MAP2K4: variants seen among roughly 807,000 people sequenced by gnomAD.
MAP2K4 encodes the protein dual specificity mitogen-activated protein kinase kinase 4.
MAP2K4 carries 4 observed loss-of-function variants against 48.5 expected under a neutral mutation model. The ratio of observed to expected loss-of-function variants is 0.08; its 90% CI spans 0.04 to 0.19. The LOEUF is 0.19. MAP2K4 is among the 10% of genes least tolerant of loss of function. MAP2K4 has a pLI of 1.00. For synonymous variants in MAP2K4, 166 were observed against 173.1 expected, an observed-to-expected ratio of 0.96 and a Z score of 0.32; for missense variants, 258 against 493.3, an observed-to-expected ratio of 0.52 and a Z score of 4.52.
At chr17:12,123,107 A>G (rs1364524812) in intron 7 of MAP2K4, among the ~76,000 whole-genome samples, 1 of 152,120 alleles carries the variant, frequency 6.6e-6, no homozygotes. Flanking sequence ...GTTTTCAAAA[A>G]TCGTTATGCT....
At chr17:12,102,465 A>G (rs551237529) in intron 4 of MAP2K4, among the ~76,000 whole-genome samples, 75 of 152,282 alleles carry the variant, frequency 4.9e-4, no homozygotes, top group African/African-American at 1.7e-3. Flanking sequence ...TTTTGTATCT[A>G]TGAGAGACAT....
At chr17:12,048,895 G>T (rs913762728) in intron 1 of MAP2K4, among the ~76,000 whole-genome samples, 1 of 152,034 alleles carries the variant, frequency 6.6e-6, no homozygotes, top group Non-Finnish European at 1.5e-5. Context: ...GACCTCAGGT[G>T]GTCCGTCCGC....
At chr17:12,069,268 G>C (rs1970711824) in intron 2 of MAP2K4, among the ~76,000 whole-genome samples, 1 of 152,134 alleles carries the variant, frequency 6.6e-6, no homozygotes, top group Non-Finnish European at 1.5e-5. Flanking sequence ...GCCTAAACAG[G>C]GAAAGGATCT....
chr17:12,127,000 G>T (rs1972875599), intron 8 of MAP2K4, among the ~76,000 whole-genome samples: 1 of 152,134 alleles, frequency 6.6e-6, no homozygotes, highest in Non-Finnish European at 1.5e-5. Flanking sequence ...TCAGAGCAAT[G>T]GGCTTTTTTT....
At chr17:12,037,865 C>T (rs1202348817) in intron 1 of MAP2K4, among the ~76,000 whole-genome samples, 1 of 151,958 alleles carries the variant, frequency 6.6e-6, no homozygotes, top group African/African-American at 2.4e-5. Flanking sequence ...ATGCTTATAC[C>T]TTATACCATT....
intron 2 of MAP2K4, among the ~76,000 whole-genome samples, chr17:12,067,471 A>T (rs1169976862): frequency 3.9e-5 from 6 of 152,180 alleles, no homozygotes; most frequent in African/African-American, 7.2e-5. Context: ...GTCTCCAGAC[A>T]TTACCAAATG....
chr17:12,058,570 T>A (rs533750751), intron 2 of MAP2K4, among the ~76,000 whole-genome samples: 5 of 152,346 alleles, frequency 3.3e-5, no homozygotes, highest in African/African-American at 1.2e-4. Flanking sequence ...ATTGCATACC[T>A]ACCCAAAAGT....
intron 7 of MAP2K4, among the ~76,000 whole-genome samples, chr17:12,113,725 TG>T (rs1223883896): frequency 1.3e-5 from 2 of 152,218 alleles, no homozygotes; most frequent in African/African-American, 4.8e-5. Context: ...GAATTCACTA[TG>T]TATTACAGAG....
At chr17:12,085,903 A>G (rs1197842409) in intron 3 of MAP2K4, among the ~76,000 whole-genome samples, 3 of 152,106 alleles carry the variant, frequency 2.0e-5, no homozygotes, top group African/African-American at 4.8e-5. Context: ...TTTTCCTGCC[A>G]CTGGAGAGAC....
intron 8 of MAP2K4, among the ~76,000 whole-genome samples, chr17:12,127,350 G>A (rs1036840241): frequency 5.9e-5 from 9 of 152,180 alleles, no homozygotes; most frequent in African/African-American, 2.2e-4. Flanking sequence ...GCAAGACCTA[G>A]AGCTTCCAGC....
At position 12,103,768 on chromosome 17, in the gene MAP2K4, T is replaced by C. The variant is rs28923204; in HGVS notation, c.514-4022T>C. ...GTAAATGGAATCCTATATGCGTTCT[T>C]TATTGTACATTTTATTCAACATAGT... On this transcript the variant is annotated intron_variant, in intron 4 of 10. Coordinates refer to ENST00000353533, the MANE Select transcript of MAP2K4 (RefSeq NM_003010.4). Among the ~76,000 whole-genome samples, 493 of 152,294 alleles carry C rather than the reference T, an allele frequency of 3.2e-3. 3 individuals carry two copies. Among genetic ancestry groups the C allele is most frequent in the African/African-American group, 7.7e-3 (320 of 41,580 alleles).
intron 6 of MAP2K4, 127 bp from the exon 7 acceptor site, chr17:12,113,106 T>C (rs992141077): frequency 2.7e-5 from 18 of 659,648 alleles, no homozygotes; most frequent in African/African-American, 2.2e-4. Flanking sequence ...TTACTTCTTA[T>C]ATATCTGAAT....
chr17:12,028,926 T>C (rs951134416), intron 1 of MAP2K4, among the ~76,000 whole-genome samples: 2 of 152,220 alleles, frequency 1.3e-5, no homozygotes, highest in African/African-American at 4.8e-5. Flanking sequence ...TAAGATAATA[T>C]TCTTTATTTA....
At chr17:12,115,560 A>G (rs1459796014) in intron 7 of MAP2K4, 2 of 687,356 alleles carry the variant, frequency 2.9e-6, no homozygotes, top group African/African-American at 1.8e-5. Context: ...GAAGACTACC[A>G]GGCTGCGGAG....
intron 6 of MAP2K4, chr17:12,110,652 A>AT: frequency 2.1e-6 from 1 of 472,558 alleles, no homozygotes; most frequent in Non-Finnish European, 3.7e-6. Context: ...ACTGAAATAG[A>AT]TTTTGCTGCA....
At position 12,096,477 on chromosome 17, in the gene MAP2K4, C is replaced by T. The variant is rs79369689; in HGVS notation, c.513+783C>T. Among the ~76,000 whole-genome samples the T allele has an allele frequency of 2.6e-3, 397 of 152,150 alleles. 3 individuals are homozygous for T. Among genetic ancestry groups the T allele is most frequent in the African/African-American group, 9.0e-3 (372 of 41,506 alleles). On this transcript the variant is annotated intron_variant, in intron 4 of 10. Transcript: ENST00000353533. ...ATTAATACATTATGATATCCTAGAC[C>T]GCCATCAAAAATTGTGATACTTAGT...
At chr17:12,131,543 C>T (rs1973023326) in intron 9 of MAP2K4, among the ~76,000 whole-genome samples, 1 of 152,046 alleles carries the variant, frequency 6.6e-6, no homozygotes, top group South Asian at 2.1e-4. Flanking sequence ...CTGCCCCCGG[C>T]CCGCTCTAGC....
intron 6 of MAP2K4, chr17:12,110,700 G>A (rs538293847): frequency 5.6e-6 from 2 of 357,416 alleles, no homozygotes; most frequent in Admixed American, 5.0e-5. Flanking sequence ...TCATTTGCCT[G>A]ATAGATAATG....
intron 1 of MAP2K4, among the ~76,000 whole-genome samples, chr17:12,050,732 G>C (rs1215182795): frequency 1.3e-5 from 2 of 152,084 alleles, no homozygotes; most frequent in Middle Eastern, 3.2e-3. Flanking sequence ...GAATATTCAG[G>C]GCTCTTTATC....
Sources: gnomAD v4.1 joint callset for allele counts (sites outside exome capture counted in the v4.1 genomes callset) on GRCh38, gnomAD v4.1.1 for gene constraint, MANE v1.5 for transcripts, NCBI Gene and HGNC (gene_info 2026-07-23, HGNC 2026-07-21) for gene names.